Variants in FGF14 observed in about 807,000 individuals in gnomAD.
FGF14 encodes fibroblast growth factor 14.
Under a neutral mutation model 25.5 loss-of-function variants are expected in FGF14, and 5 were observed. That is an observed-to-expected ratio of 0.20 (90% CI 0.10 to 0.41). FGF14 has a LOEUF of 0.41. FGF14 is among the 10% of genes least tolerant of loss of function. The probability of loss-of-function intolerance (pLI) is 1.00; values close to 1 mark genes in which losing one functional copy is unlikely to be tolerated. For missense variants in FGF14, 222 were observed against 320.1 expected (o/e 0.69, Z 2.34); for synonymous variants, 138 against 118.3 (o/e 1.17, Z -1.08).
At chr13:102,212,974 T>C (rs1312272449) in intron 1 of FGF14, among the ~76,000 whole-genome samples, 2 of 152,212 alleles carry the variant, frequency 1.3e-5, no homozygotes, top group South Asian at 4.1e-4. Flanking sequence ...GACAGAAAAG[T>C]AAGCTGAATG....
chr13:101,782,347 C>T (rs1324586534), intron 3 of FGF14, among the ~76,000 whole-genome samples: 5 of 152,188 alleles, frequency 3.3e-5, no homozygotes, highest in African/African-American at 1.2e-4. Flanking sequence ...TGCATTCACA[C>T]CTCGATTGCT....
chr13:102,031,567 A>G (rs2041210917), intron 1 of FGF14, among the ~76,000 whole-genome samples: 2 of 152,102 alleles, frequency 1.3e-5, no homozygotes, highest in Non-Finnish European at 1.5e-5. Context: ...TTAGAATTGT[A>G]AATATTCCTC....
chr13:101,789,608 G>A (rs1338067616), intron 3 of FGF14, among the ~76,000 whole-genome samples: 1 of 152,134 alleles, frequency 6.6e-6, no homozygotes, highest in Non-Finnish European at 1.5e-5. Flanking sequence ...TAAAGCATAA[G>A]CTGTCATGCA....
intron 1 of FGF14, among the ~76,000 whole-genome samples, chr13:102,107,218 A>G (rs547442869): frequency 7.2e-5 from 11 of 152,324 alleles, no homozygotes; most frequent in Non-Finnish European, 8.8e-5. Context: ...GAAATTTGGC[A>G]ACTGTCTTAG....
intron 1 of FGF14, among the ~76,000 whole-genome samples, chr13:102,361,974 T>TATCATGTCCTCTTCTCA (rs2057578829): frequency 1.3e-5 from 2 of 152,150 alleles, no homozygotes; most frequent in African/African-American, 2.4e-5. Flanking sequence ...TGTCTCTTGG[T>TATCATGTCCTCTTCTCA]ATCATGTCCT....
intron 1 of FGF14, among the ~76,000 whole-genome samples, chr13:101,891,964 TAC>T (rs2029865411): frequency 6.6e-6 from 1 of 152,018 alleles, no homozygotes; most frequent in Admixed American, 6.6e-5. Context: ...TATAAATAAA[TAC>T]AGAGAATGAG....
At chr13:101,920,619 G>C (rs927774666), upstream of FGF14, among the ~76,000 whole-genome samples, 5 of 151,990 alleles carry the variant, frequency 3.3e-5, no homozygotes, top group East Asian at 9.6e-4. Context: ...AAATTCTTTT[G>C]CAGTTTCCAT....
chr13:101,850,031 AG>A (rs939229847), intron 3 of FGF14, among the ~76,000 whole-genome samples: 67 of 152,132 alleles, frequency 4.4e-4, no homozygotes, highest in African/African-American at 1.5e-3. Context: ...ATTTATAAGA[AG>A]CAAATATGAG....
intron 1 of FGF14, among the ~76,000 whole-genome samples, chr13:102,069,700 G>T (rs529109443): frequency 1.3e-5 from 2 of 152,242 alleles, no homozygotes; most frequent in Admixed American, 1.3e-4. Flanking sequence ...CCAGAAGGAA[G>T]AAACTCCGAA....
At chr13:102,203,640 T>G (rs1252829319) in intron 1 of FGF14, among the ~76,000 whole-genome samples, 2 of 152,238 alleles carry the variant, frequency 1.3e-5, no homozygotes, top group Non-Finnish European at 2.9e-5. Context: ...CTGGAAAACT[T>G]TTATTAAGGA....
chr13:102,044,915 G>A (rs574881397), intron 1 of FGF14, among the ~76,000 whole-genome samples: 1 of 152,082 alleles, frequency 6.6e-6, no homozygotes, highest in Admixed American at 6.6e-5. Context: ...GCCGATGTTG[G>A]TGTACTCTGA....
In FGF14 at chr13:101,715,678, T is replaced by C. The variant is rs780968257; in HGVS notation, c.*7153A>G. ...AACAATTACATGAGAGAGGTCTGGA[T>C]TCTTATTTTTTCTGGGCCATTAGAA... On this transcript the variant is annotated 3_prime_UTR_variant, in exon 5 of 5. Coordinates refer to ENST00000376143, the MANE Select transcript of FGF14 (RefSeq NM_004115.4). 21 of 1,463,892 alleles carry C rather than the reference T, an allele frequency of 1.4e-5. No individual in the cohort carries two copies. Among genetic ancestry groups the C allele is most frequent in the Admixed American group, 3.3e-5 (2 of 59,808 alleles). 90.7% of individuals were successfully genotyped at this position (1,463,892 alleles called of 1,614,324 possible).
chr13:102,281,013 C>T (rs1004747613), intron 1 of FGF14, among the ~76,000 whole-genome samples: 1 of 152,174 alleles, frequency 6.6e-6, no homozygotes, highest in Non-Finnish European at 1.5e-5. Flanking sequence ...TTCCAACGTG[C>T]TTGGAGAACT....
At chr13:101,989,225 G>A (rs948446811) in intron 1 of FGF14, among the ~76,000 whole-genome samples, 20 of 151,902 alleles carry the variant, frequency 1.3e-4, no homozygotes, top group African/African-American at 4.8e-4. Context: ...GGGATATATT[G>A]TTATTTATAA....
At chr13:102,155,256 G>T (rs1298309673) in intron 1 of FGF14, among the ~76,000 whole-genome samples, 1 of 152,108 alleles carries the variant, frequency 6.6e-6, no homozygotes, top group Non-Finnish European at 1.5e-5. Flanking sequence ...TGACCACATA[G>T]GTGGAAGTAA....
chr13:102,218,780 G>A (rs143206499), intron 1 of FGF14, among the ~76,000 whole-genome samples: 70 of 151,692 alleles, frequency 4.6e-4, no homozygotes, highest in Non-Finnish European at 4.6e-4. Context: ...TCATATATAT[G>A]CATTTATATG....
chr13:102,385,915 G>A (rs1158320946), intron 1 of FGF14, among the ~76,000 whole-genome samples: 2 of 152,080 alleles, frequency 1.3e-5, no homozygotes, highest in African/African-American at 4.8e-5. Flanking sequence ...TCACTATTTA[G>A]CAGCTTAAAA....
intron 1 of FGF14, among the ~76,000 whole-genome samples, chr13:102,149,477 G>C (rs1267205786): frequency 2.0e-5 from 3 of 152,184 alleles, no homozygotes; most frequent in African/African-American, 7.2e-5. Flanking sequence ...TCACACTCAT[G>C]CAAGGACACA....
chr13:101,794,047 T>C (rs35456632), intron 3 of FGF14, among the ~76,000 whole-genome samples: 5,929 of 152,162 alleles, frequency 0.039, 188 homozygotes, highest in African/African-American at 0.069. Flanking sequence ...TTCAAGCAGT[T>C]ATGTCCTCAT....
Sources: allele counts gnomAD v4.1 joint callset (sites outside exome capture counted in the v4.1 genomes callset), GRCh38; gene constraint gnomAD v4.1.1; transcripts MANE v1.5; gene names NCBI Gene and HGNC (gene_info 2026-07-23, HGNC 2026-07-21).